HEMK2: variants seen among roughly 807,000 people sequenced by gnomAD.
HEMK2 encodes the protein HemK methyltransferase 2, ETF1 glutamine and histone H4 lysine, also known as methyltransferase HEMK2.
At chr21:28,726,834 G>A in the HEMK2 span, among the ~76,000 whole-genome samples, 69,451 of 149,146 alleles carry the variant, frequency 0.47, 17,894 homozygotes, top group East Asian at 0.84. Context: ...TTGCACCACT[G>A]CAGTCCAGCC....
chr21:28,785,834 AC>A, the HEMK2 span, among the ~76,000 whole-genome samples: 1 of 152,246 alleles, frequency 6.6e-6, no homozygotes, highest in African/African-American at 2.4e-5. Context: ...TCTCCCGTAT[AC>A]ACCATATTCC....
the HEMK2 span, among the ~76,000 whole-genome samples, chr21:28,723,810 C>G: frequency 6.6e-6 from 1 of 152,168 alleles, no homozygotes. Flanking sequence ...GATGATAATT[C>G]AGCTTCTTTC....
the HEMK2 span, among the ~76,000 whole-genome samples, chr21:28,821,272 G>A: frequency 6.6e-6 from 1 of 152,116 alleles, no homozygotes; most frequent in Non-Finnish European, 1.5e-5. Context: ...CACCACAGAG[G>A]GAGAGGCTGT....
chr21:28,671,531 G>A, the HEMK2 span, among the ~76,000 whole-genome samples: 2 of 152,120 alleles, frequency 1.3e-5, no homozygotes, highest in Non-Finnish European at 2.9e-5. Context: ...ACATTTCTGG[G>A]ACTAGAAGAA....
the HEMK2 span, among the ~76,000 whole-genome samples, chr21:28,576,030 A>T: frequency 6.6e-6 from 1 of 152,362 alleles, no homozygotes; most frequent in South Asian, 2.1e-4. Flanking sequence ...TGGGGTTATC[A>T]TGAACAAAAT....
chr21:28,841,295 ATATATTATATAT>A, the HEMK2 span, among the ~76,000 whole-genome samples: 22 of 11,964 alleles, frequency 1.8e-3, 1 homozygote, highest in African/African-American at 0.014. Context: ...AATATATATT[ATATATTATATAT>A]AATATATAAT....
the HEMK2 span, among the ~76,000 whole-genome samples, chr21:28,883,618 G>C: frequency 3.7e-4 from 56 of 152,264 alleles, no homozygotes; most frequent in Admixed American, 9.1e-4. Context: ...AATAGTATCT[G>C]ATCTTTGAAT....
chr21:28,657,164 C>T, the HEMK2 span, among the ~76,000 whole-genome samples: 2 of 152,036 alleles, frequency 1.3e-5, no homozygotes, highest in African/African-American at 4.8e-5. Context: ...CTAAAACAAA[C>T]ATCAGCTGAA....
the HEMK2 span, among the ~76,000 whole-genome samples, chr21:28,789,676 T>C: frequency 6.6e-6 from 1 of 152,322 alleles, no homozygotes; most frequent in African/African-American, 2.4e-5. Flanking sequence ...ATGTAGATTA[T>C]ACGAGTAATT....
At chr21:28,676,830 G>A in the HEMK2 span, among the ~76,000 whole-genome samples, 3 of 152,106 alleles carry the variant, frequency 2.0e-5, no homozygotes, top group Non-Finnish European at 2.9e-5. Context: ...TGGCCATGTG[G>A]CAAGGACCCA....
At chr21:28,824,031 A>G in the HEMK2 span, among the ~76,000 whole-genome samples, 3 of 152,138 alleles carry the variant, frequency 2.0e-5, no homozygotes, top group Non-Finnish European at 4.4e-5. Context: ...GCTTCTCCCA[A>G]ATGATGCTTA....
the HEMK2 span, among the ~76,000 whole-genome samples, chr21:28,778,762 A>G: frequency 6.6e-6 from 1 of 152,264 alleles, no homozygotes; most frequent in Non-Finnish European, 1.5e-5. Context: ...TTTACTAATT[A>G]AATTTTTTAC....
the HEMK2 span, among the ~76,000 whole-genome samples, chr21:28,591,706 T>G: frequency 4.6e-5 from 7 of 152,234 alleles, no homozygotes; most frequent in South Asian, 6.2e-4. Context: ...TTTCCCACCC[T>G]CCACCCTCTG....
the HEMK2 span, among the ~76,000 whole-genome samples, chr21:28,613,107 G>C: frequency 6.6e-6 from 1 of 151,794 alleles, no homozygotes; most frequent in African/African-American, 2.4e-5. Flanking sequence ...AAGATAGATA[G>C]ATAGATAGAT....
the HEMK2 span, among the ~76,000 whole-genome samples, chr21:28,650,544 G>A: frequency 6.6e-6 from 1 of 152,116 alleles, no homozygotes; most frequent in African/African-American, 2.4e-5. Flanking sequence ...GTTGAGAGAG[G>A]GAAGGAGTCA....
the HEMK2 span, among the ~76,000 whole-genome samples, chr21:28,620,180 T>G: frequency 6.6e-6 from 1 of 152,206 alleles, no homozygotes; most frequent in African/African-American, 2.4e-5. Context: ...CAGTATTTTA[T>G]TGAGGATTTT....
chr21:28,623,948 G>A, the HEMK2 span, among the ~76,000 whole-genome samples: 1 of 151,996 alleles, frequency 6.6e-6, no homozygotes, highest in South Asian at 2.1e-4. Flanking sequence ...AAACCTGCAC[G>A]TTCTGCACAT....
the HEMK2 span, among the ~76,000 whole-genome samples, chr21:28,597,998 G>C: frequency 2.0e-5 from 3 of 152,170 alleles, no homozygotes; most frequent in East Asian, 5.8e-4. Context: ...AGTGAAAGCT[G>C]AAAAGTTACA....
the HEMK2 span, among the ~76,000 whole-genome samples, chr21:28,620,918 C>T: frequency 6.6e-6 from 1 of 151,852 alleles, no homozygotes; most frequent in Non-Finnish European, 1.5e-5. Context: ...ATGATCTGCC[C>T]ACCTCGGCCT....
Sources: allele counts gnomAD v4.1 joint callset (sites outside exome capture counted in the v4.1 genomes callset), GRCh38; gene constraint gnomAD v4.1.1; transcripts MANE v1.5; gene names NCBI Gene and HGNC (gene_info 2026-07-23, HGNC 2026-07-21).